OTUD3: variants seen among roughly 807,000 people sequenced by gnomAD.
The protein encoded by OTUD3 is OTU deubiquitinase 3.
OTUD3 carries 24 observed loss-of-function variants against 46.2 expected under a neutral mutation model. The ratio of observed to expected loss-of-function variants is 0.52; its 90% confidence interval spans 0.38 to 0.73. The LOEUF (loss-of-function observed/expected upper bound fraction) is 0.73. Ranked by LOEUF, OTUD3 falls within the 30% of genes least tolerant of loss-of-function variation. OTUD3 has a pLI of 0.00. For synonymous variants in OTUD3, 189 were observed against 195.4 expected, an observed-to-expected ratio of 0.97 and a Z score of 0.27; for missense variants, 455 against 523.3, an observed-to-expected ratio of 0.87 and a Z score of 1.27.
chr1:19,889,489 C>A (rs1326303855), intron 1 of OTUD3, among the ~76,000 whole-genome samples: 1 of 152,088 alleles, frequency 6.6e-6, no homozygotes, highest in Non-Finnish European at 1.5e-5. Flanking sequence ...GAAGAGTAAA[C>A]AGTTGGGTGT....
Position 19,901,188 on chromosome 1 carries a change from G to A in OTUD3, c.607-3079G>A, listed in dbSNP as rs561471920. Among the ~76,000 whole-genome samples the A allele has an allele frequency of 9.8e-5, 15 of 152,292 alleles. No individual in the cohort carries two copies. In the South Asian group the frequency reaches 3.1e-3, roughly 32 times the overall value. On this transcript the variant is annotated intron_variant, in intron 4 of 7. Coordinates refer to ENST00000375120, the MANE Select transcript of OTUD3 (RefSeq NM_015207.2). The stretch of plus-strand genomic sequence containing the variant: ...GTCTCCCAAAGTGCTGGGGTTACAG[G>A]CGTGAGCCACCGTGCCCGGCCCTAT...
intron 2 of OTUD3, among the ~76,000 whole-genome samples, chr1:19,894,092 A>C (rs1010072026): frequency 7.2e-5 from 11 of 152,256 alleles, no homozygotes; most frequent in African/African-American, 2.7e-4. Flanking sequence ...TTATGTTTCT[A>C]GTGCCTTTTA....
intron 1 of OTUD3, among the ~76,000 whole-genome samples, chr1:19,887,265 G>A (rs1258469498): frequency 1.3e-5 from 2 of 151,964 alleles, no homozygotes; most frequent in Non-Finnish European, 2.9e-5. Context: ...TGTATTTTTA[G>A]TAGAGACGGG....
At chr1:19,893,020 G>T (rs1348238721) in intron 2 of OTUD3, among the ~76,000 whole-genome samples, 1 of 151,946 alleles carries the variant, frequency 6.6e-6, no homozygotes, top group Non-Finnish European at 1.5e-5. Context: ...TCTCTCTCGT[G>T]TCTGTCTCTC....
chr1:19,895,000 T>C (rs2045498878), intron 3 of OTUD3, among the ~76,000 whole-genome samples: 1 of 152,230 alleles, frequency 6.6e-6, no homozygotes. Context: ...TTTTATTCAA[T>C]CACCCAGAGA....
At position 19,908,630 on chromosome 1, in the gene OTUD3, T is replaced by C. The variant is rs1368853792; in HGVS notation, c.*884T>C. 6.6e-6 allele frequency: 1 copy of C among 152,348 alleles called. No individual in the cohort carries two copies. The highest frequency in any genetic ancestry group is 1.5e-5 in the Non-Finnish European group (1 of 68,040). The allele number at this position is 152,348 out of a possible 1,614,324, so 9.4% of individuals were successfully genotyped here. On this transcript the variant is annotated 3_prime_UTR_variant, in exon 8 of 8. Transcript: ENST00000375120. The stretch of plus-strand genomic sequence containing the variant: ...TGCCTAAGAGGAGTCTAAAGAATTA[T>C]GTTTTTATAGGAGAAGCCTGGAAGA...
intron 4 of OTUD3, among the ~76,000 whole-genome samples, chr1:19,898,628 T>C (rs1001079747): frequency 4.0e-5 from 6 of 151,156 alleles, no homozygotes; most frequent in African/African-American, 1.5e-4. Context: ...CTCGGGAGGC[T>C]GAGGCAGGAG....
intron 1 of OTUD3, among the ~76,000 whole-genome samples, chr1:19,890,101 G>A (rs1378260676): frequency 6.6e-6 from 1 of 152,180 alleles, no homozygotes; most frequent in Non-Finnish European, 1.5e-5. Flanking sequence ...GGCTCCACTT[G>A]TTGAAGCAGC....
chr1:19,885,355 C>G (rs2045342905), intron 1 of OTUD3, among the ~76,000 whole-genome samples: 1 of 152,202 alleles, frequency 6.6e-6, no homozygotes, highest in Non-Finnish European at 1.5e-5. Flanking sequence ...TGGTTCAGCC[C>G]TCGTCAGTAT....
chr1:19,889,322 T>C (rs2045415931), intron 1 of OTUD3, among the ~76,000 whole-genome samples: 1 of 152,176 alleles, frequency 6.6e-6, no homozygotes, highest in African/African-American at 2.4e-5. Context: ...TCTTATACAT[T>C]AGAAGAGATT....
At chr1:19,903,940 G>A (rs185960481) in intron 4 of OTUD3, among the ~76,000 whole-genome samples, 5 of 152,312 alleles carry the variant, frequency 3.3e-5, no homozygotes, top group East Asian at 3.9e-4. Flanking sequence ...TTAAGCTCAC[G>A]GCTCTGAAAA....
chr1:19,903,040 C>CTTTTTTTTTTTTTT (rs36114504), intron 4 of OTUD3, among the ~76,000 whole-genome samples: 1 of 58,054 alleles, frequency 1.7e-5, no homozygotes, highest in Non-Finnish European at 3.1e-5. Context: ...AATCTTTTCT[C>CTTTTTTTTTTTTTT]TTTTTTTTTT....
chr1:19,889,971 T>C (rs773974246), intron 1 of OTUD3, among the ~76,000 whole-genome samples: 1 of 152,226 alleles, frequency 6.6e-6, no homozygotes, highest in Non-Finnish European at 1.5e-5. Context: ...GTGGAACTTG[T>C]TTTAGAAAAG....
chr1:19,904,328 A>C lies in OTUD3; in HGVS notation c.668A>C (p.Asp223Ala). The C allele has an allele frequency of 6.2e-7, 1 of 1,612,294 alleles. No homozygotes were observed. The highest frequency in any genetic ancestry group is 8.5e-7 in the Non-Finnish European group (1 of 1,178,614). ...GAAAAGATCAAGACAAAGGGAATGGACTCTGAAGACGACCTGAGAGATGAA... is the reference window on the plus strand; with the variant it reads ...GAAAAGATCAAGACAAAGGGAATGGCCTCTGAAGACGACCTGAGAGATGAA... ...KREKIKTKGM[D>A]SEDDLRDEVE... The change falls in exon 5 of 8, where the codon GAC (aspartate) becomes GCC (alanine). Residue 223 changes from aspartate to alanine, a missense_variant. Physicochemically the swap from Asp to Ala is moderately radical, Grantham distance 126 (BLOSUM62 -2). Coordinates refer to ENST00000375120, the MANE Select transcript of OTUD3 (RefSeq NM_015207.2).
rs1457167936 is a variant in OTUD3 at position 19,907,875 on chromosome 1, G to A, written c.*129G>A. 8.0e-6 allele frequency: 6 copies of A among 750,980 alleles called. No individual in the cohort carries two copies. Among genetic ancestry groups the A allele is most frequent in the African/African-American group, 1.8e-5 (1 of 56,636 alleles). The allele number at this position is 750,980 out of a possible 1,614,324, so 46.5% of individuals were successfully genotyped here. ...AAGCCCACACATGAGCTCACACACT[G>A]AGTTAGTTTCGTTCAAGCTGCCTCT... is the stretch of plus-strand genomic sequence containing the variant. On this transcript the variant is annotated 3_prime_UTR_variant, in exon 8 of 8. Transcript: ENST00000375120.
At chr1:19,903,211 A>T (rs2045615989) in intron 4 of OTUD3, among the ~76,000 whole-genome samples, 1 of 151,504 alleles carries the variant, frequency 6.6e-6, no homozygotes, top group Non-Finnish European at 1.5e-5. Flanking sequence ...CCATGTCCAA[A>T]TAATTCTTTT....
chr1:19,886,351 C>G (rs2045360338), intron 1 of OTUD3, among the ~76,000 whole-genome samples: 1 of 152,140 alleles, frequency 6.6e-6, no homozygotes, highest in Non-Finnish European at 1.5e-5. Flanking sequence ...TATCTTATTA[C>G]TAACAAGTAG....
Position 19,890,415 on chromosome 1 carries a change from A to C in OTUD3, c.252A>C (p.Gln84His). 6.2e-7 allele frequency: 1 copy of C among 1,613,984 alleles called. No homozygotes were observed. Among genetic ancestry groups the C allele is most frequent in the Non-Finnish European group, 8.5e-7 (1 of 1,179,860 alleles). The change falls in exon 2 of 8, where the codon CAA (glutamine) becomes CAC (histidine). Residue 84 changes from glutamine (Q) to histidine (H), a missense_variant. Gln to His is a conservative substitution (Grantham distance 24, BLOSUM62 0). Transcript: ENST00000375120. ...GCTTGTTCAGAGCTCTTGGTGATCA[A>C]TTGGAGGGACACTCACGAAATCATC... Reference protein sequence around the residue: ...GNCLFRALGDQLEGHSRNHLK... With the variant: ...GNCLFRALGDHLEGHSRNHLK...
chr1:19,908,334 T>C lies in OTUD3; in HGVS notation c.*588T>C, dbSNP rs914523513. On this transcript the variant is annotated 3_prime_UTR_variant, in exon 8 of 8. Transcript: ENST00000375120. ...TTGTGGCCTGCAGTCAGGATGGAAATTAACCGCATTTCTCTCCTTCCTGAT... is the reference window on the plus strand; with the variant it reads ...TTGTGGCCTGCAGTCAGGATGGAAACTAACCGCATTTCTCTCCTTCCTGAT... 3 of 152,384 alleles carry C rather than the reference T, an allele frequency of 2.0e-5. No individual in the cohort carries two copies. Among genetic ancestry groups the C allele is most frequent in the African/African-American group, 7.2e-5 (3 of 41,456 alleles). 9.4% of individuals were successfully genotyped at this position (152,384 alleles called of 1,614,324 possible).
Sources: allele counts gnomAD v4.1 joint callset (sites outside exome capture counted in the v4.1 genomes callset), GRCh38; gene constraint gnomAD v4.1.1; transcripts MANE v1.5; gene names NCBI Gene and HGNC (gene_info 2026-07-23, HGNC 2026-07-21).